SFMBT2: variants seen among roughly 807,000 people sequenced by gnomAD.
SFMBT2 encodes the protein Scm like with four mbt domains 2, also known as scm-like with four MBT domains protein 2.
SFMBT2 carries 38 observed loss-of-function variants against 110.1 expected under a neutral mutation model. The observed-to-expected ratio is 0.35, with a 90% CI of 0.27 to 0.45. The LOEUF (loss-of-function observed/expected upper bound fraction) is 0.45. Ranked by LOEUF, SFMBT2 falls within the 20% of genes least tolerant of loss-of-function variation. SFMBT2 has a pLI of 1.00. For missense variants in SFMBT2, 1,011 were observed against 1,094.9 expected (o/e 0.92, Z 1.08); for synonymous variants, 425 against 425.4 (o/e 1.00, Z 0.01).
At chr10:7,387,966 AG>A (rs1340618758) in intron 1 of SFMBT2, among the ~76,000 whole-genome samples, 1 of 149,618 alleles carries the variant, frequency 6.7e-6, no homozygotes, top group Non-Finnish European at 1.5e-5. Context: ...AAAAAAAGGT[AG>A]AAAAGCCATT....
chr10:7,253,388 T>G (rs932310187), intron 7 of SFMBT2, among the ~76,000 whole-genome samples: 1 of 152,138 alleles, frequency 6.6e-6, no homozygotes, highest in African/African-American at 2.4e-5. Flanking sequence ...CCTTCACTTG[T>G]GGGGTCTGCA....
intron 1 of SFMBT2, among the ~76,000 whole-genome samples, chr10:7,396,805 C>G (rs1241835079): frequency 6.6e-6 from 1 of 150,812 alleles, no homozygotes; most frequent in Non-Finnish European, 1.5e-5. Flanking sequence ...AGGCAGAAAA[C>G]CAAACACCGC....
intron 7 of SFMBT2, among the ~76,000 whole-genome samples, chr10:7,265,835 C>A (rs1169536416): frequency 6.6e-6 from 1 of 152,196 alleles, no homozygotes; most frequent in Non-Finnish European, 1.5e-5. Context: ...TTACTGAGAA[C>A]TGATGATGTC....
At chr10:7,177,464 T>C (rs951125556) in intron 16 of SFMBT2, among the ~76,000 whole-genome samples, 3 of 152,128 alleles carry the variant, frequency 2.0e-5, no homozygotes, top group African/African-American at 7.2e-5. Flanking sequence ...GTTGAAGCCA[T>C]AACCCCCGAT....
intron 11 of SFMBT2, among the ~76,000 whole-genome samples, chr10:7,214,398 G>A (rs1839461593): frequency 1.3e-5 from 2 of 152,238 alleles, no homozygotes; most frequent in South Asian, 4.1e-4. Flanking sequence ...ATAACAGCAT[G>A]AGTTCAGAGA....
intron 14 of SFMBT2, among the ~76,000 whole-genome samples, chr10:7,198,989 T>C (rs1838866085): frequency 1.3e-5 from 2 of 152,136 alleles, no homozygotes; most frequent in African/African-American, 4.8e-5. Flanking sequence ...TTGTTTTGTT[T>C]TGTTTTTGAG....
intron 11 of SFMBT2, among the ~76,000 whole-genome samples, chr10:7,207,383 A>AG (rs374383913): frequency 7.7e-5 from 10 of 130,160 alleles, no homozygotes; most frequent in African/African-American, 2.5e-4. Context: ...GAAGGAAGGA[A>AG]GAAAGAAAGA....
chr10:7,360,402 G>A (rs569337821), intron 4 of SFMBT2, among the ~76,000 whole-genome samples: 9 of 152,244 alleles, frequency 5.9e-5, no homozygotes, highest in African/African-American at 1.7e-4. Context: ...GGGAGGCAGA[G>A]GTTGCAGTGA....
At chr10:7,229,460 T>C (rs1270298389) in intron 9 of SFMBT2, among the ~76,000 whole-genome samples, 2 of 151,584 alleles carry the variant, frequency 1.3e-5, no homozygotes, top group Admixed American at 6.6e-5. Flanking sequence ...GTGCTTGTAA[T>C]CCCAGCTACT....
chr10:7,182,374 G>C (rs1291151158), intron 16 of SFMBT2, among the ~76,000 whole-genome samples: 1 of 152,174 alleles, frequency 6.6e-6, no homozygotes, highest in Non-Finnish European at 1.5e-5. Flanking sequence ...GTGAAAAGAA[G>C]AGTGTGTTTT....
At chr10:7,378,880 T>C (rs1264433092) in intron 2 of SFMBT2, among the ~76,000 whole-genome samples, 1 of 151,904 alleles carries the variant, frequency 6.6e-6, no homozygotes, top group Non-Finnish European at 1.5e-5. Context: ...GACTCATCTG[T>C]GCACTTGAAG....
intron 15 of SFMBT2, among the ~76,000 whole-genome samples, chr10:7,190,330 AAT>A (rs1444672372): frequency 6.6e-6 from 1 of 152,268 alleles, no homozygotes; most frequent in Non-Finnish European, 1.5e-5. Flanking sequence ...ATCAACAGAC[AAT>A]AAAATTTCAA....
intron 4 of SFMBT2, among the ~76,000 whole-genome samples, chr10:7,298,984 G>T (rs895610350): frequency 1.3e-5 from 2 of 152,200 alleles, no homozygotes; most frequent in African/African-American, 4.8e-5. Context: ...GCCAAGGCGG[G>T]TGGATTACCT....
intron 17 of SFMBT2, among the ~76,000 whole-genome samples, chr10:7,174,214 A>G (rs118163269): frequency 0.012 from 1,836 of 152,306 alleles, 22 homozygotes; most frequent in Admixed American, 0.019. Flanking sequence ...CGTGTTACTC[A>G]GTGAGCAGGA....
chr10:7,158,921 T>C lies in SFMBT2; in HGVS notation c.*4849A>G, dbSNP rs990105589. On this transcript the variant is annotated 3_prime_UTR_variant, in exon 21 of 21. Coordinates refer to ENST00000397167, the MANE Select transcript of SFMBT2 (RefSeq NM_001387889.1). ...TAGAATGCAAAACAGTGAAAGAGCTTTCAACAATCACGACGAGGGATAGTT... is the reference window on the plus strand; with the variant it reads ...TAGAATGCAAAACAGTGAAAGAGCTCTCAACAATCACGACGAGGGATAGTT... The C allele has an allele frequency of 6.6e-6, 1 of 152,174 alleles. No homozygotes were observed. Among genetic ancestry groups the C allele is most frequent in the African/African-American group, 2.4e-5 (1 of 41,438 alleles). The allele number at this position is 152,174 out of a possible 1,614,324, so 9.4% of individuals were successfully genotyped here.
chr10:7,359,261 T>C (rs139006636), intron 4 of SFMBT2, among the ~76,000 whole-genome samples: 379 of 152,220 alleles, frequency 2.5e-3, no homozygotes, highest in African/African-American at 8.9e-3. Flanking sequence ...CGGGGCCAGA[T>C]GGGAGCTGAG....
intron 4 of SFMBT2, among the ~76,000 whole-genome samples, chr10:7,335,582 AACACACACACACACACACAC>A (rs3065781): frequency 5.7e-4 from 81 of 142,994 alleles, no homozygotes; most frequent in Admixed American, 2.6e-3. Context: ...CAGAAACAGA[AACACACACACACACACACAC>A]ACACACACAC....
At chr10:7,286,556 T>C (rs1588418843) in intron 4 of SFMBT2, 1 of 155,748 alleles carries the variant, frequency 6.4e-6, no homozygotes, top group South Asian at 2.0e-4. Context: ...TTACTGAACA[T>C]GTACACTTTT....
chr10:7,188,783 A>G, intron 15 of SFMBT2, 50 bp from the exon 16 acceptor site: 1 of 1,477,880 alleles, frequency 6.8e-7, no homozygotes. Flanking sequence ...ATTCATTCCT[A>G]CTAACACAAG....
Sources: allele counts gnomAD v4.1 joint callset (sites outside exome capture counted in the v4.1 genomes callset), GRCh38; gene constraint gnomAD v4.1.1; transcripts MANE v1.5; gene names NCBI Gene and HGNC (gene_info 2026-07-23, HGNC 2026-07-21).